ODAPH: variants seen among roughly 807,000 people sequenced by gnomAD.
ODAPH encodes the protein odontogenesis associated phosphoprotein.
A neutral mutation model predicts 2.8 loss-of-function variants in ODAPH; 2 were observed. That is an observed-to-expected ratio of 0.72 (90% CI 0.30 to 2.28). The LOEUF (loss-of-function observed/expected upper bound fraction) is 2.28, where lower values mean the gene tolerates loss of function less well. Among genes scored for constraint, ODAPH ranks in the 30% most tolerant of loss-of-function variants. ODAPH has a pLI of 0.13. For synonymous variants in ODAPH, 75 were observed against 60.3 expected, an observed-to-expected ratio of 1.24 and a Z score of -1.13; for missense variants, 159 against 163.3, an observed-to-expected ratio of 0.97 and a Z score of 0.14.
intron 1 of ODAPH, among the ~76,000 whole-genome samples, chr4:75,563,555 A>G (rs72647474): frequency 0.07 from 10,723 of 152,174 alleles, 528 homozygotes; most frequent in East Asian, 0.21. Context: ...GTCCCTGGCT[A>G]CACTTTCTGC....
rs1560562693 is a variant in ODAPH at position 75,564,153 on chromosome 4, A to G, written c.107A>G (p.Asn36Ser). 6.2e-7 allele frequency: 1 copy of G among 1,614,180 alleles called. No homozygotes were observed. Among genetic ancestry groups the G allele is most frequent in the Non-Finnish European group, 8.5e-7 (1 of 1,180,038 alleles). The stretch of plus-strand genomic sequence containing the variant: ...TTTACGCCTCCTGGAGATTCACAAA[A>G]TAATGCGGACGCTACCGACTGCCAG... ...EVFTPPGDSQ[N>S]NADATDCQIF... Residue 36 changes from asparagine to serine, a missense_variant, in exon 2 of 2, where the codon AAT (asparagine) becomes AGT (serine). Physicochemically the swap from Asn to Ser is conservative, Grantham distance 46. Transcript: ENST00000311623.
chr4:75,556,605 C>T lies in ODAPH; in HGVS notation c.67+456C>T, dbSNP rs1346212959. On this transcript the variant is annotated intron_variant, in intron 1 of 1. Coordinates refer to ENST00000311623, the MANE Select transcript of ODAPH (RefSeq NM_178497.5). The stretch of plus-strand genomic sequence containing the variant: ...ACATGGTGGGTATTTAGTCTTTGTT[C>T]ATTGCTTTAATTAATCACATCTATT... The T allele has an allele frequency of 9.8e-6, 15 of 1,525,036 alleles. No homozygotes were observed. In the Admixed American group the frequency reaches 1.2e-4, roughly 12 times the overall value. 94.5% of individuals were successfully genotyped at this position (1,525,036 alleles called of 1,614,324 possible).
chr4:75,565,556 G>A (rs1727779778), downstream of ODAPH: 1 of 152,032 alleles, frequency 6.6e-6, no homozygotes, highest in Non-Finnish European at 1.5e-5. Context: ...TATTCTCAGG[G>A]TGCAATATGA....
downstream of ODAPH, chr4:75,565,662 T>C (rs529386120): frequency 2.6e-5 from 4 of 152,158 alleles, no homozygotes; most frequent in Admixed American, 6.5e-5. Flanking sequence ...GCCTGTAACA[T>C]AAGAACTTTA....
chr4:75,557,865 C>A (rs569236583), intron 1 of ODAPH, among the ~76,000 whole-genome samples: 27 of 152,320 alleles, frequency 1.8e-4, no homozygotes, highest in African/African-American at 6.3e-4. Context: ...CACAGCTGCT[C>A]CCTCCACTTG....
At chr4:75,556,678 G>A (rs1311097097) in intron 1 of ODAPH, 5 of 892,432 alleles carry the variant, frequency 5.6e-6, no homozygotes, top group Admixed American at 4.3e-5. Context: ...TCTTTCTTTA[G>A]GATTTTATTA....
chr4:75,564,031 C>CT (rs1288707324), intron 1 of ODAPH, 83 bp from the exon 2 acceptor site: 1 of 1,223,324 alleles, frequency 8.2e-7, no homozygotes, highest in East Asian at 2.3e-5. Flanking sequence ...CTCTTCCCAT[C>CT]TTTCTCCTCT....
intron 1 of ODAPH, among the ~76,000 whole-genome samples, chr4:75,559,162 G>T (rs993858407): frequency 6.6e-6 from 1 of 152,196 alleles, no homozygotes; most frequent in Admixed American, 6.5e-5. Flanking sequence ...AGGTGCTGGA[G>T]ACACCGGCAG....
rs1332226460 is a variant in ODAPH at position 75,564,395 on chromosome 4, C to T, written c.349C>T (p.Pro117Ser). The change falls in exon 2 of 2, where the codon CCC (proline) becomes TCC (serine). Residue 117 changes from proline to serine, a missense_variant. By Grantham distance (74) the Pro-to-Ser change is moderately conservative (BLOSUM62 -1). Transcript: ENST00000311623. ...PHRYLTYRYF[P>S]RRRLQRGSSS... Reference sequence around the variant, plus strand: ...CCGTTACCTTACTTATAGGTATTTCCCCAGAAGAAGACTCCAGAGAGGAAG... The same window carrying T: ...CCGTTACCTTACTTATAGGTATTTCTCCAGAAGAAGACTCCAGAGAGGAAG... The T allele has an allele frequency of 6.2e-7, 1 of 1,614,144 alleles. No individual in the cohort carries two copies.
intron 1 of ODAPH, 125 bp downstream of exon 1, chr4:75,556,274 T>C (rs962998028): frequency 5.9e-6 from 6 of 1,009,176 alleles, no homozygotes; most frequent in Admixed American, 2.1e-5. Flanking sequence ...TCCATCAGCC[T>C]GTGTGGTTAA....
intron 1 of ODAPH, among the ~76,000 whole-genome samples, chr4:75,557,525 G>T (rs892098065): frequency 6.6e-6 from 1 of 152,138 alleles, no homozygotes; most frequent in Non-Finnish European, 1.5e-5. Context: ...TGTAATCCCA[G>T]CTACTCGGGA....
chr4:75,564,118 A>G lies in ODAPH; in HGVS notation c.72A>G (p.Gln24=), dbSNP rs2148846043. Residue 24 remains glutamine (Q), a synonymous_variant, in exon 2 of 2, where the codon CAA becomes CAG. Transcript: ENST00000311623. The part of the protein sequence containing the change: ...CWLVVTVAEG[Q]EEVFTPPGDS... ...CTTGCGTTTTCCTCTCCACAGGACA[A>G]GAAGAGGTATTTACGCCTCCTGGAG... The G allele has an allele frequency of 6.2e-7, 1 of 1,614,124 alleles. No homozygotes were observed. Among genetic ancestry groups the G allele is most frequent in the East Asian group, 2.2e-5 (1 of 44,882 alleles).
chr4:75,559,771 GA>G (rs1727486360), intron 1 of ODAPH, among the ~76,000 whole-genome samples: 1 of 152,172 alleles, frequency 6.6e-6, no homozygotes, highest in Non-Finnish European at 1.5e-5. Flanking sequence ...TAGAAACTGA[GA>G]TTTCTCTCAA....
Position 75,564,176 on chromosome 4 carries a change from C to T in ODAPH, c.130C>T (p.Gln44Ter), listed in dbSNP as rs763027726. The T allele has an allele frequency of 1.2e-6, 2 of 1,614,158 alleles. No homozygotes were observed. The highest frequency in any genetic ancestry group is 2.2e-5 in the South Asian group (2 of 91,082). Reference protein sequence around the residue: ...SQNNADATDCQIFTLTPPPAP... With the variant: ...SQNNADATDC ...AAATAATGCGGACGCTACCGACTGC[C>T]AGATCTTTACACTCACCCCTCCACC... Residue 44 changes from glutamine (Q) to a stop codon, truncating the protein, a stop_gained, in exon 2 of 2, where the codon CAG (glutamine) becomes TAG (stop). Transcript: ENST00000311623. LOFTEE classifies it low-confidence loss of function (END_TRUNC).
At chr4:75,561,451 ACAC>A (rs1560561089) in intron 1 of ODAPH, among the ~76,000 whole-genome samples, 1 of 152,170 alleles carries the variant, frequency 6.6e-6, no homozygotes, top group Non-Finnish European at 1.5e-5. Context: ...CAAGGAACAG[ACAC>A]CCATTCAAGC....
chr4:75,564,204 C>A lies in ODAPH; in HGVS notation c.158C>A (p.Ala53Asp), dbSNP rs1201477499. 5 of 1,614,204 alleles carry A rather than the reference C, an allele frequency of 3.1e-6. No homozygotes were observed. The highest frequency in any genetic ancestry group is 3.4e-6 in the Non-Finnish European group (4 of 1,180,038). The change falls in exon 2 of 2, where the codon GCC (alanine) becomes GAC (aspartate). Residue 53 changes from alanine (A) to aspartate (D), a missense_variant. Coordinates refer to ENST00000311623, the MANE Select transcript of ODAPH (RefSeq NM_178497.5). ...ATCTTTACACTCACCCCTCCACCTG[C>A]CCCGAGGAGTCCGGTCACAAGGGCC... ...CQIFTLTPPP[A>D]PRSPVTRAQP...
chr4:75,558,733 G>A (rs774918593), intron 1 of ODAPH, among the ~76,000 whole-genome samples: 11 of 151,932 alleles, frequency 7.2e-5, no homozygotes, highest in Non-Finnish European at 8.8e-5. Flanking sequence ...TCCCTCTGTC[G>A]CCCAGGCTGG....
intron 1 of ODAPH, among the ~76,000 whole-genome samples, chr4:75,562,824 CTCT>C (rs2148844734): frequency 6.6e-6 from 1 of 152,216 alleles, no homozygotes; most frequent in African/African-American, 2.4e-5. Context: ...GTTCTCAGTG[CTCT>C]TTCTCCTGCT....
intron 1 of ODAPH, among the ~76,000 whole-genome samples, chr4:75,560,539 T>A (rs1397138450): frequency 6.6e-6 from 1 of 152,244 alleles, no homozygotes; most frequent in Non-Finnish European, 1.5e-5. Flanking sequence ...AGGACACTTG[T>A]GCTAGCTAAC....
Sources: allele counts gnomAD v4.1 joint callset (sites outside exome capture counted in the v4.1 genomes callset), GRCh38; gene constraint gnomAD v4.1.1; transcripts MANE v1.5; gene names NCBI Gene and HGNC (gene_info 2026-07-23, HGNC 2026-07-21).